Variants in ENOX2 observed in about 807,000 individuals in gnomAD.
The protein encoded by ENOX2 is ecto-NOX disulfide-thiol exchanger 2.
A neutral mutation model predicts 45.0 loss-of-function variants in ENOX2; 36 were observed. The observed-to-expected ratio is 0.80, with a 90% CI of 0.61 to 1.06. The LOEUF is 1.06. Among genes scored for constraint, ENOX2 ranks in the 50% least tolerant of loss-of-function variants. ENOX2 has a pLI of 0.00. For missense variants in ENOX2, 423 were observed against 462.5 expected (o/e 0.91, Z 0.78); for synonymous variants, 174 against 152.3 (o/e 1.14, Z -1.05).
intron 3 of ENOX2, among the ~76,000 whole-genome samples, chrX:130,725,967 T>A (rs188338001): frequency 2.9e-4 from 33 of 112,116 alleles, no homozygotes; most frequent in Non-Finnish European, 5.4e-4. Context: ...GGAAGTCAAA[T>A]CCTAGATTCT....
At chrX:130,877,340 G>A (rs1330050192) in intron 2 of ENOX2, among the ~76,000 whole-genome samples, 1 of 111,914 alleles carries the variant, frequency 8.9e-6, no homozygotes, top group Non-Finnish European at 1.9e-5. Flanking sequence ...GTAAATGTTA[G>A]TAAGAACAAC....
chrX:130,896,572 A>T (rs1042934766), intron 2 of ENOX2, among the ~76,000 whole-genome samples: 1 of 111,943 alleles, frequency 8.9e-6, no homozygotes, highest in African/African-American at 3.3e-5. Flanking sequence ...TATCTAGTGC[A>T]GTGCCTAACG....
rs969968811 is a variant in ENOX2, at chrX:130,689,762, A to AT, written c.98-745dup. Among the ~76,000 whole-genome samples the AT allele has an allele frequency of 2.8e-4, 30 of 108,292 alleles. 1 individual carries two copies. In the East Asian group the frequency reaches 3.2e-3, roughly 11 times the overall value. The allele number at this position is 108,292 out of a possible 115,157, so 94.0% of individuals were successfully genotyped here. On this transcript the variant is annotated intron_variant, in intron 4 of 14. Coordinates refer to ENST00000394363, the MANE Select transcript of ENOX2 (RefSeq NM_006375.4). ...ATAGGTTCTATACCTGTTACCACTGATTTTTTTTTTATTTTGCATTATTCT... is the reference window on the plus strand; with the variant it reads ...ATAGGTTCTATACCTGTTACCACTGATTTTTTTTTTTATTTTGCATTATTCT...
intron 11 of ENOX2, among the ~76,000 whole-genome samples, chrX:130,636,995 T>G (rs1173338059): frequency 8.9e-6 from 1 of 112,596 alleles, no homozygotes. Context: ...AGTCTAATGT[T>G]AAATATTTTT....
At chrX:130,813,275 C>A (rs986689903) in intron 2 of ENOX2, among the ~76,000 whole-genome samples, 1 of 112,048 alleles carries the variant, frequency 8.9e-6, no homozygotes. Context: ...CAAGAACACG[C>A]AAGGAGAAAG....
chrX:130,711,518 T>C (rs1273316842), intron 3 of ENOX2, among the ~76,000 whole-genome samples: 1 of 110,806 alleles, frequency 9.0e-6, no homozygotes, highest in Non-Finnish European at 1.9e-5. Context: ...AATCAAGATG[T>C]CATACATTCT....
At chrX:130,716,896 C>T (rs2038345128) in intron 3 of ENOX2, among the ~76,000 whole-genome samples, 1 of 112,108 alleles carries the variant, frequency 8.9e-6, no homozygotes, top group Non-Finnish European at 1.9e-5. Flanking sequence ...CTGAGTGAAT[C>T]TCCAGGCCAC....
chrX:130,859,740 A>G (rs1327812825), intron 2 of ENOX2, among the ~76,000 whole-genome samples: 1 of 112,108 alleles, frequency 8.9e-6, no homozygotes, highest in Non-Finnish European at 1.9e-5. Flanking sequence ...GAAATAAGGG[A>G]GGCAAGAAGA....
Position 130,622,389 on chromosome X carries a change from T to TA in ENOX2, c.*2924dup, listed in dbSNP as rs111704709. Among the ~76,000 whole-genome samples the TA allele has an allele frequency of 1.3e-4, 14 of 110,591 alleles. No homozygotes were observed. The East Asian group carries it at 1.4e-3, about 11-fold the overall frequency. Reference sequence around the variant, plus strand: ...AAAGCATACATTTTGGGGCCAAAATTAAAAAAAAACTCTATATAACTTGAA... The same window carrying TA: ...AAAGCATACATTTTGGGGCCAAAATTAAAAAAAAAACTCTATATAACTTGAA... On this transcript the variant is annotated 3_prime_UTR_variant, in exon 15 of 15. Coordinates refer to ENST00000394363, the MANE Select transcript of ENOX2 (RefSeq NM_006375.4).
In ENOX2 at chrX:130,623,256, C is replaced by T. The variant is rs1336988699; in HGVS notation, c.*2058G>A. 1.8e-5 allele frequency: 2 copies of T among 111,574 alleles called. No homozygotes were observed. The highest frequency in any genetic ancestry group is 3.8e-5 in the Non-Finnish European group (2 of 53,145). The allele number at this position is 111,574 out of a possible 1,213,427, so 9.2% of individuals were successfully genotyped here. A position where few individuals can be genotyped will look rare whatever the true frequency, so the allele number is the denominator to read the frequency against. On this transcript the variant is annotated 3_prime_UTR_variant, in exon 15 of 15. Transcript: ENST00000394363. ...AACTGGCAGGAGTAACAGAAACAGACAATCTGCAATGTAAGTTGATTAAGT... is the reference window on the plus strand; with the variant it reads ...AACTGGCAGGAGTAACAGAAACAGATAATCTGCAATGTAAGTTGATTAAGT...
chrX:130,661,486 G>A (rs2036686758), intron 9 of ENOX2, among the ~76,000 whole-genome samples: 1 of 111,765 alleles, frequency 8.9e-6, no homozygotes, highest in South Asian at 3.8e-4. Flanking sequence ...ACCATGCCCA[G>A]CCTAAGACTT....
At chrX:130,749,264 C>T (rs1466945902) in intron 3 of ENOX2, among the ~76,000 whole-genome samples, 1 of 111,627 alleles carries the variant, frequency 9.0e-6, no homozygotes, top group East Asian at 2.8e-4. Flanking sequence ...CTTCTTGGCA[C>T]TGCGGCTGAA....
intron 5 of ENOX2, among the ~76,000 whole-genome samples, chrX:130,682,737 A>G (rs1413399167): frequency 9.1e-6 from 1 of 110,353 alleles, no homozygotes; most frequent in Non-Finnish European, 1.9e-5. Context: ...GGATTTATTT[A>G]TTTTCCTTGG....
intron 2 of ENOX2, among the ~76,000 whole-genome samples, chrX:130,896,423 T>C (rs1369839874): frequency 9.0e-6 from 1 of 111,623 alleles, no homozygotes; most frequent in Non-Finnish European, 1.9e-5. Flanking sequence ...TGAATTTTCA[T>C]TTATAAGATG....
chrX:130,750,005 G>A (rs1296671654), intron 3 of ENOX2, among the ~76,000 whole-genome samples: 1 of 109,990 alleles, frequency 9.1e-6, no homozygotes, highest in Non-Finnish European at 1.9e-5. Context: ...TTTGTCTGTT[G>A]CTCAGTCAGT....
chrX:130,688,182 G>C lies in ENOX2; in HGVS notation c.253+681C>G, dbSNP rs1016023059. On this transcript the variant is annotated intron_variant, in intron 5 of 14. Coordinates refer to ENST00000394363, the MANE Select transcript of ENOX2 (RefSeq NM_006375.4). ...AACCCCAAGTGCATCTGGAAAAAAA[G>C]TTTTAGTCAATTATTATTAGTGGGA... Among the ~76,000 whole-genome samples the C allele has an allele frequency of 5.4e-5, 6 of 112,116 alleles. No homozygotes were observed. The Admixed American group carries it at 5.7e-4, about 11-fold the overall frequency.
At chrX:130,702,682 TC>T (rs1374494184) in intron 4 of ENOX2, among the ~76,000 whole-genome samples, 1 of 111,603 alleles carries the variant, frequency 9.0e-6, no homozygotes, top group Non-Finnish European at 1.9e-5. Flanking sequence ...TACACACAGT[TC>T]TTCAATGTTA....
At chrX:130,901,827 C>T (rs1329089401) in intron 1 of ENOX2, 96 bp from the exon 2 acceptor site, 2 of 112,102 alleles carry the variant, frequency 1.8e-5, no homozygotes, top group Non-Finnish European at 3.8e-5. Flanking sequence ...TTCAAAGTAT[C>T]ATGTTATTAT....
At chrX:130,754,883 G>C (rs2039317859) in intron 3 of ENOX2, among the ~76,000 whole-genome samples, 1 of 111,691 alleles carries the variant, frequency 9.0e-6, no homozygotes, top group Non-Finnish European at 1.9e-5. Flanking sequence ...CTGTACCCTT[G>C]AATCTAACAT....
Sources: gnomAD v4.1 joint callset for allele counts (sites outside exome capture counted in the v4.1 genomes callset) on GRCh38, gnomAD v4.1.1 for gene constraint, MANE v1.5 for transcripts, NCBI Gene and HGNC (gene_info 2026-07-23, HGNC 2026-07-21) for gene names.